SLC25A21: variants seen among roughly 807,000 people sequenced by gnomAD.
SLC25A21 encodes the protein solute carrier family 25 member 21.
In SLC25A21, 47 loss-of-function variants were observed where a neutral mutation model predicts 43.8. That is an observed-to-expected ratio of 1.07 (90% CI 0.85 to 1.37). The LOEUF (loss-of-function observed/expected upper bound fraction) is 1.37. Ranked by LOEUF, SLC25A21 falls within the 40% of genes most tolerant of loss-of-function variation. The pLI is 0.00. For synonymous variants in SLC25A21, 131 were observed against 121.3 expected, an observed-to-expected ratio of 1.08 and a Z score of -0.52; for missense variants, 352 against 350.2, an observed-to-expected ratio of 1.00 and a Z score of -0.04.
chr14:37,061,134 C>A (rs566159485), intron 1 of SLC25A21, among the ~76,000 whole-genome samples: 2 of 152,252 alleles, frequency 1.3e-5, no homozygotes, highest in Non-Finnish European at 2.9e-5. Flanking sequence ...GGTAACAGTC[C>A]CTGAACTTTC....
intron 1 of SLC25A21, among the ~76,000 whole-genome samples, chr14:36,966,566 A>C (rs1594724822): frequency 6.6e-6 from 1 of 151,718 alleles, no homozygotes; most frequent in Non-Finnish European, 1.5e-5. Context: ...ATTTTCTAAT[A>C]GGAAATGTCA....
At chr14:36,788,509 T>C (rs1174113121) in intron 3 of SLC25A21, 1 of 148,088 alleles carries the variant, frequency 6.8e-6, no homozygotes, top group Non-Finnish European at 1.5e-5. Flanking sequence ...CCTTTACGGA[T>C]CACCTGAGCC....
intron 3 of SLC25A21, among the ~76,000 whole-genome samples, chr14:36,792,366 A>G (rs565427482): frequency 1.3e-5 from 2 of 152,284 alleles, no homozygotes; most frequent in African/African-American, 4.8e-5. Flanking sequence ...TTCTAGCAGC[A>G]TTCTTCAATG....
chr14:36,849,339 A>G (rs1889649130), intron 2 of SLC25A21, among the ~76,000 whole-genome samples: 1 of 152,134 alleles, frequency 6.6e-6, no homozygotes, highest in Non-Finnish European at 1.5e-5. Flanking sequence ...TACTTTTTGG[A>G]CAGCAGAGGA....
chr14:36,689,420 G>GT (rs142770006), intron 7 of SLC25A21, among the ~76,000 whole-genome samples: 10,121 of 151,148 alleles, frequency 0.067, 471 homozygotes, highest in Non-Finnish European at 0.11. Flanking sequence ...CCTGGGGAGT[G>GT]TGTCTGTTGA....
intron 1 of SLC25A21, among the ~76,000 whole-genome samples, chr14:36,972,602 T>G (rs1018628352): frequency 5.3e-5 from 8 of 152,080 alleles, no homozygotes; most frequent in African/African-American, 1.9e-4. Flanking sequence ...AGAGAAATGG[T>G]ATCTGAGAAG....
At chr14:36,765,883 T>C (rs1235448340) in intron 3 of SLC25A21, among the ~76,000 whole-genome samples, 1 of 152,208 alleles carries the variant, frequency 6.6e-6, no homozygotes, top group Non-Finnish European at 1.5e-5. Context: ...TACAGGTTCC[T>C]ACCTATCTGG....
At chr14:37,095,335 T>C (rs1294517973) in intron 1 of SLC25A21, among the ~76,000 whole-genome samples, 1 of 152,094 alleles carries the variant, frequency 6.6e-6, no homozygotes, top group Non-Finnish European at 1.5e-5. Context: ...CTGGCCAACA[T>C]GGTGAAACCC....
chr14:36,725,730 GT>G, intron 5 of SLC25A21, 53 bp from the exon 6 acceptor site: 1 of 1,181,920 alleles, frequency 8.5e-7, no homozygotes, highest in Middle Eastern at 2.1e-4. Flanking sequence ...TGTGTATGGG[GT>G]TAAACATCCT....
intron 1 of SLC25A21, among the ~76,000 whole-genome samples, chr14:36,984,141 A>C (rs1960092855): frequency 6.6e-6 from 1 of 152,194 alleles, no homozygotes; most frequent in Admixed American, 6.5e-5. Context: ...AAGTAAAATA[A>C]AATAACAACA....
chr14:37,062,464 T>A (rs1961968395), intron 1 of SLC25A21, among the ~76,000 whole-genome samples: 1 of 152,098 alleles, frequency 6.6e-6, no homozygotes, highest in South Asian at 2.1e-4. Flanking sequence ...AATAATTTTT[T>A]TTTTAAAAAA....
intron 2 of SLC25A21, among the ~76,000 whole-genome samples, chr14:36,832,690 C>G (rs1415839954): frequency 2.6e-5 from 4 of 152,176 alleles, no homozygotes; most frequent in African/African-American, 4.8e-5. Flanking sequence ...TCAAAAGAAT[C>G]TACTTTGCAA....
At chr14:37,124,110 A>G (rs962594836) in intron 1 of SLC25A21, among the ~76,000 whole-genome samples, 8 of 151,422 alleles carry the variant, frequency 5.3e-5, no homozygotes, top group African/African-American at 1.9e-4. Context: ...TCCTGGGTTC[A>G]CACCAAGACA....
At chr14:36,735,812 CTTTTTTT>C (rs58500416) in intron 3 of SLC25A21, among the ~76,000 whole-genome samples, 1 of 131,654 alleles carries the variant, frequency 7.6e-6, no homozygotes, top group African/African-American at 2.8e-5. Flanking sequence ...TCCCAGAATC[CTTTTTTT>C]TTTTTTTTTT....
chr14:37,069,943 C>G (rs542738886), intron 1 of SLC25A21, among the ~76,000 whole-genome samples: 14 of 152,186 alleles, frequency 9.2e-5, no homozygotes, highest in Non-Finnish European at 1.3e-4. Context: ...GTGTTCAACA[C>G]ACGCACATTA....
chr14:36,761,146 T>A (rs765553028), intron 3 of SLC25A21, among the ~76,000 whole-genome samples: 1 of 152,188 alleles, frequency 6.6e-6, no homozygotes, highest in Non-Finnish European at 1.5e-5. Flanking sequence ...TGAAAGGTTA[T>A]CCGTGCCACA....
chr14:36,697,587 G>C (rs1017299591), intron 7 of SLC25A21, among the ~76,000 whole-genome samples: 1 of 151,948 alleles, frequency 6.6e-6, no homozygotes, highest in African/African-American at 2.4e-5. Context: ...TATGAATCTG[G>C]GTGCTCCTGT....
chr14:36,891,495 T>A (rs1449776778), intron 1 of SLC25A21, among the ~76,000 whole-genome samples: 3 of 152,154 alleles, frequency 2.0e-5, no homozygotes, highest in Non-Finnish European at 4.4e-5. Context: ...ATGTGCTGCT[T>A]TGATGCTACA....
chr14:36,913,595 G>C (rs747616997), intron 1 of SLC25A21, among the ~76,000 whole-genome samples: 2 of 152,174 alleles, frequency 1.3e-5, no homozygotes, highest in Non-Finnish European at 2.9e-5. Context: ...GGATAAGAAC[G>C]AGTTGTTTGA....
Sources: gnomAD v4.1 joint callset for allele counts (sites outside exome capture counted in the v4.1 genomes callset) on GRCh38, gnomAD v4.1.1 for gene constraint, MANE v1.5 for transcripts, NCBI Gene and HGNC (gene_info 2026-07-23, HGNC 2026-07-21) for gene names.